Variants in ARMC9 observed in about 807,000 individuals in gnomAD.
ARMC9 encodes the protein armadillo repeat containing 9.
In ARMC9, 94 loss-of-function variants were observed where a neutral mutation model predicts 107.0. That is an observed-to-expected ratio of 0.88 (90% CI 0.74 to 1.04). The LOEUF (loss-of-function observed/expected upper bound fraction) is 1.04. Ranked by LOEUF, ARMC9 falls within the 50% of genes least tolerant of loss-of-function variation. The pLI, the probability that ARMC9 is intolerant of heterozygous loss-of-function variation, is 0.00. For synonymous variants in ARMC9, 380 were observed against 396.9 expected, an observed-to-expected ratio of 0.96 and a Z score of 0.51; for missense variants, 942 against 1,030.1, an observed-to-expected ratio of 0.91 and a Z score of 1.17.
rs144038846 is a variant in ARMC9, at chr2:231,254,318, A to T, written c.880-2268A>T. ...CAAAAAGCAGGTAATGTCTATGAAA[A>T]ATAATGGCCAATATCACTAAAGTTT... is the stretch of plus-strand genomic sequence containing the variant. On this transcript the variant is annotated intron_variant, in intron 9 of 24. Transcript: ENST00000611582. Among the ~76,000 whole-genome samples, 670 of 152,304 alleles carry T rather than the reference A, an allele frequency of 4.4e-3. 3 individuals carry two copies. Among genetic ancestry groups the T allele is most frequent in the African/African-American group, 0.015 (632 of 41,562 alleles).
intron 19 of ARMC9, among the ~76,000 whole-genome samples, chr2:231,296,521 G>C (rs971002919): frequency 6.6e-6 from 1 of 152,306 alleles, no homozygotes; most frequent in Middle Eastern, 3.4e-3. Flanking sequence ...CGAGTTTCAT[G>C]GGAAGCTGAA....
chr2:231,292,501 C>T (rs3806546), intron 18 of ARMC9, among the ~76,000 whole-genome samples: 7,131 of 152,238 alleles, frequency 0.047, 471 homozygotes, highest in South Asian at 0.25. Flanking sequence ...CAATGTGGTC[C>T]TCATTCTATC....
Position 231,361,020 on chromosome 2 carries a change from A to G in ARMC9, c.2261+137A>G, listed in dbSNP as rs1575183673. 9.6e-6 allele frequency: 13 copies of G among 1,347,492 alleles called. No homozygotes were observed. The East Asian group carries it at 3.3e-4, about 34-fold the overall frequency. The allele number at this position is 1,347,492 out of a possible 1,614,324, so 83.5% of individuals were successfully genotyped here. ...CCTCTGACAGGGGAGGCTAAGGAGC[A>G]GTGTCAAGATTCCCAGCGGAGTGCA... On this transcript the variant is annotated intron_variant, in intron 23 of 24. Coordinates refer to ENST00000611582, the MANE Select transcript of ARMC9 (RefSeq NM_001352754.2).
chr2:231,275,024 A>G (rs2039642336), intron 14 of ARMC9, among the ~76,000 whole-genome samples: 1 of 152,166 alleles, frequency 6.6e-6, no homozygotes, highest in Non-Finnish European at 1.5e-5. Flanking sequence ...GATACAAGAT[A>G]TGGTGAAAAA....
At chr2:231,217,495 G>A (rs980739194) in intron 5 of ARMC9, among the ~76,000 whole-genome samples, 23 of 151,742 alleles carry the variant, frequency 1.5e-4, no homozygotes, top group East Asian at 1.9e-4. Context: ...GCTCAAACCC[G>A]GGAGGTGAAG....
chr2:231,291,108 C>T (rs765713789), intron 17 of ARMC9, among the ~76,000 whole-genome samples: 17 of 152,114 alleles, frequency 1.1e-4, no homozygotes, highest in Non-Finnish European at 1.6e-4. Flanking sequence ...GACACTTGGC[C>T]AGGTTTGTCT....
rs7426058 is a variant in ARMC9, at chr2:231,214,917, T to C, written c.264T>C (p.Asp88=). The change falls in exon 4 of 25, where the codon GAT becomes GAC. Residue 88 remains aspartate (D), a synonymous_variant. Coordinates refer to ENST00000611582, the MANE Select transcript of ARMC9 (RefSeq NM_001352754.2). ...WEEHISSSIR[D]GDSFAQKLEF... is the part of the protein sequence containing the mutation. ...AGCACATTTCAAGTTCCATCCGAGATGGGGACTCCTTTGCCCAGAAGCTGG... is the reference window on the plus strand; with the variant it reads ...AGCACATTTCAAGTTCCATCCGAGACGGGGACTCCTTTGCCCAGAAGCTGG... 1.1e-5 allele frequency: 17 copies of C among 1,613,988 alleles called. No homozygotes were observed. The highest frequency in any genetic ancestry group is 2.7e-5 in the African/African-American group (2 of 74,906).
At chr2:231,227,818 A>G (rs974496221) in intron 7 of ARMC9, among the ~76,000 whole-genome samples, 6 of 152,160 alleles carry the variant, frequency 3.9e-5, no homozygotes, top group African/African-American at 1.4e-4. Flanking sequence ...TGGTAGCCTC[A>G]AGCATCCCCA....
chr2:231,302,515 T>G (rs2041817167), intron 19 of ARMC9, among the ~76,000 whole-genome samples: 2 of 148,954 alleles, frequency 1.3e-5, no homozygotes, highest in South Asian at 4.3e-4. Context: ...CTGGGCTGTA[T>G]CTGTTGTCAT....
chr2:231,351,230 G>C (rs1303445273), intron 21 of ARMC9, among the ~76,000 whole-genome samples: 1 of 150,648 alleles, frequency 6.6e-6, no homozygotes, highest in Non-Finnish European at 1.5e-5. Context: ...TGGGATTACA[G>C]GTGTGAGCCA....
At chr2:231,316,679 A>G (rs2042704446) in intron 19 of ARMC9, among the ~76,000 whole-genome samples, 1 of 150,454 alleles carries the variant, frequency 6.6e-6, no homozygotes, top group African/African-American at 2.4e-5. Context: ...AAAAAAAAGA[A>G]AGAAAAAAAA....
At position 231,372,917 on chromosome 2, in the gene ARMC9, C is replaced by T. The variant is rs967558507; in HGVS notation, c.*1382C>T. On this transcript the variant is annotated 3_prime_UTR_variant, in exon 25 of 25. Transcript: ENST00000611582. ...CCATGGCCCCCTGACTCCTCAGGAG[C>T]GCAGGCAGAGGAGGTAAACAGGAGG... 6 of 152,134 alleles carry T rather than the reference C, an allele frequency of 3.9e-5. No homozygotes were observed. The East Asian group carries it at 5.8e-4, about 15-fold the overall frequency. The allele number at this position is 152,134 out of a possible 1,614,324, so 9.4% of individuals were successfully genotyped here.
intron 20 of ARMC9, among the ~76,000 whole-genome samples, chr2:231,339,010 T>G (rs1412575031): frequency 6.6e-6 from 1 of 152,220 alleles, no homozygotes; most frequent in Non-Finnish European, 1.5e-5. Flanking sequence ...TTCATGGTAA[T>G]GCCCTGTAAA....
chr2:231,326,014 G>A (rs529518885), intron 19 of ARMC9, among the ~76,000 whole-genome samples: 5 of 152,264 alleles, frequency 3.3e-5, no homozygotes, highest in South Asian at 2.1e-4. Context: ...AGAGAGGGAC[G>A]AGACCCTGAA....
intron 20 of ARMC9, among the ~76,000 whole-genome samples, chr2:231,332,199 T>G (rs1340131854): frequency 6.6e-6 from 1 of 152,154 alleles, no homozygotes; most frequent in African/African-American, 2.4e-5. Flanking sequence ...CCATCCCACT[T>G]TTTAATTTCT....
intron 7 of ARMC9, among the ~76,000 whole-genome samples, chr2:231,234,168 T>C (rs1194272610): frequency 6.6e-6 from 1 of 152,146 alleles, no homozygotes; most frequent in Non-Finnish European, 1.5e-5. Context: ...TTACTCTGGG[T>C]TTGGGGGCAC....
intron 9 of ARMC9, among the ~76,000 whole-genome samples, chr2:231,248,970 G>A (rs1387687078): frequency 6.6e-6 from 1 of 152,106 alleles, no homozygotes; most frequent in Non-Finnish European, 1.5e-5. Flanking sequence ...TGAGTTCAAG[G>A]GGCCCTACAT....
chr2:231,206,912 C>T (rs2125307071), intron 2 of ARMC9, among the ~76,000 whole-genome samples: 1 of 152,354 alleles, frequency 6.6e-6, no homozygotes, highest in South Asian at 2.1e-4. Flanking sequence ...GCGAGAGCCA[C>T]GGGCCTGGAG....
rs57088088 is a variant in ARMC9 at position 231,331,752 on chromosome 2, T to G, written c.1774-41T>G. 0.019 allele frequency: 29,636 copies of G among 1,568,718 alleles called. 4,430 individuals are homozygous for G. The African/African-American group carries it at 0.34, about 18-fold the overall frequency. ...GGGAGCCACGCCTTGGGAGCTTGTG[T>G]CAGGGTGTCCATGGCATTCACCCCA... is the stretch of plus-strand genomic sequence containing the variant. On this transcript the variant is annotated intron_variant, in intron 19 of 24. Transcript: ENST00000611582.
Sources: allele counts gnomAD v4.1 joint callset (sites outside exome capture counted in the v4.1 genomes callset), GRCh38; gene constraint gnomAD v4.1.1; transcripts MANE v1.5; gene names NCBI Gene and HGNC (gene_info 2026-07-23, HGNC 2026-07-21).